Variants in LEO1 observed in about 807,000 individuals in gnomAD.
The protein encoded by LEO1 is LEO1 component of Paf1/RNA polymerase II complex.
LEO1 carries 34 observed loss-of-function variants against 80.4 expected under a neutral mutation model. That is an observed-to-expected ratio of 0.42 (90% confidence interval 0.32 to 0.56). The LOEUF (loss-of-function observed/expected upper bound fraction) is 0.56, where lower values mean the gene tolerates loss of function less well. LEO1 is among the 20% of genes least tolerant of loss of function. The probability of loss-of-function intolerance (pLI) is 0.10; values close to 1 mark genes in which losing one functional copy is unlikely to be tolerated. For synonymous variants in LEO1, 262 were observed against 274.9 expected (o/e 0.95, Z 0.46); for missense variants, 631 against 814.2 (o/e 0.77, Z 2.74).
At chr15:51,963,460 A>T (rs1163341528) in intron 2 of LEO1, among the ~76,000 whole-genome samples, 2 of 152,224 alleles carry the variant, frequency 1.3e-5, no homozygotes, top group Admixed American at 1.3e-4. Context: ...TGTCACAAAA[A>T]TCAACAGAAC....
chr15:51,953,910 T>G (rs1350853208), intron 7 of LEO1, among the ~76,000 whole-genome samples: 2 of 149,966 alleles, frequency 1.3e-5, no homozygotes, highest in Non-Finnish European at 1.5e-5. Flanking sequence ...AAGCAACATA[T>G]GGAGAACTGT....
Position 51,965,781 on chromosome 15 carries a change from G to A in LEO1, c.782C>T (p.Ser261Leu). The A allele has an allele frequency of 6.2e-7, 1 of 1,611,084 alleles. No individual in the cohort carries two copies. The highest frequency in any genetic ancestry group is 8.5e-7 in the Non-Finnish European group (1 of 1,178,998). The change falls in exon 2 of 12, where the codon TCA becomes TTA. Residue 261 changes from serine (S) to leucine (L), a missense_variant. By Grantham distance (145) the Ser-to-Leu change is moderately radical. Around this residue, in one of 4 missense-constraint regions of LEO1, gnomAD observed 394 missense variants for 395.6 expected, o/e 1.00. Transcript: ENST00000299601. The stretch of plus-strand genomic sequence containing the variant: ...ATGATCCTGTTCCTCTTCATCATCT[G>A]AATGCCTGTGTTCTTCATCTGAGGC... ...PQASDEEHRH[S>L]DDEEEQDHKS...
At chr15:51,961,241 G>A (rs2057027773) in intron 3 of LEO1, among the ~76,000 whole-genome samples, 1 of 152,102 alleles carries the variant, frequency 6.6e-6, no homozygotes, top group Admixed American at 6.6e-5. Context: ...AAACTAGCTG[G>A]GCTTGGTGAC....
intron 2 of LEO1, 93 bp downstream of exon 2, chr15:51,965,656 C>A: frequency 6.8e-7 from 1 of 1,479,836 alleles, no homozygotes; most frequent in Non-Finnish European, 9.0e-7. Flanking sequence ...AGAGAAAAAA[C>A]AGGGTAATAA....
chr15:51,951,931 A>T lies in LEO1; in HGVS notation c.1524T>A (p.Leu508=). 6.2e-7 allele frequency: 1 copy of T among 1,613,742 alleles called. No individual in the cohort carries two copies. The highest frequency in any genetic ancestry group is 8.5e-7 in the Non-Finnish European group (1 of 1,179,632). Residue 508 remains leucine, a synonymous_variant, in exon 9 of 12, where the codon CTT becomes CTA. Transcript: ENST00000299601. ...TCTGTGTCTTTGAACACCTATCTGC[A>T]AGTGACAGAGTCATCTTTCTATGTG... ...SATHRKMTLS[L]ADRCSKTQKI...
chr15:51,971,353 T>C (rs1471499186), intron 1 of LEO1, among the ~76,000 whole-genome samples: 1 of 152,224 alleles, frequency 6.6e-6, no homozygotes, highest in Non-Finnish European at 1.5e-5. Flanking sequence ...TACTCTACGC[T>C]GGCCTGTGCA....
intron 5 of LEO1, 68 bp from the exon 6 acceptor site, chr15:51,958,894 ATC>A (rs1463009413): frequency 1.3e-6 from 1 of 746,672 alleles, no homozygotes; most frequent in Non-Finnish European, 2.2e-6. Context: ...ATGTAATAAC[ATC>A]TCTATTAATA....
Position 51,966,382 on chromosome 15 carries a change from G to A in LEO1, c.181C>T (p.Leu61=). 1 of 1,614,080 alleles carries A rather than the reference G, an allele frequency of 6.2e-7. No homozygotes were observed. Among genetic ancestry groups the A allele is most frequent in the Non-Finnish European group, 8.5e-7 (1 of 1,179,938 alleles). Residue 61 remains leucine (L), a synonymous_variant, in exon 2 of 12, where the codon CTG becomes TTG. Coordinates refer to ENST00000299601, the MANE Select transcript of LEO1 (RefSeq NM_138792.4). Reference sequence around the variant, plus strand: ...TCGTCCTCACTGTCATCTCCAAACAGTTCCTTATTACTTGGTTGTCCTGAA... The same window carrying A: ...TCGTCCTCACTGTCATCTCCAAACAATTCCTTATTACTTGGTTGTCCTGAA... ...GDSGQPSNKE[L]FGDDSEDEGA...
At chr15:51,951,123 T>C (rs1034506160) in intron 9 of LEO1, among the ~76,000 whole-genome samples, 2 of 152,230 alleles carry the variant, frequency 1.3e-5, no homozygotes, top group African/African-American at 4.8e-5. Flanking sequence ...CTGAGGTAAC[T>C]GGACTGTCTT....
At chr15:51,950,250 C>T (rs779499078) in intron 9 of LEO1, among the ~76,000 whole-genome samples, 2 of 152,174 alleles carry the variant, frequency 1.3e-5, no homozygotes, top group East Asian at 1.9e-4. Flanking sequence ...GGTGTGTCCT[C>T]GGGAGCTGTG....
chr15:51,947,184 G>A (rs535420891), intron 11 of LEO1, 108 bp downstream of exon 11: 42 of 763,032 alleles, frequency 5.5e-5, no homozygotes, highest in South Asian at 5.1e-4. Flanking sequence ...TTTCAGTGAC[G>A]TGTGTAGACA....
chr15:51,948,934 C>G (rs2056924760), intron 10 of LEO1, among the ~76,000 whole-genome samples: 1 of 152,318 alleles, frequency 6.6e-6, no homozygotes, highest in East Asian at 1.9e-4. Flanking sequence ...GGTTTAAGAA[C>G]TGACCAGTTA....
intron 2 of LEO1, among the ~76,000 whole-genome samples, chr15:51,962,804 C>T (rs2057041849): frequency 6.6e-6 from 1 of 151,994 alleles, no homozygotes; most frequent in African/African-American, 2.4e-5. Flanking sequence ...AAAGATACGA[C>T]TCAAAAGGGA....
Position 51,958,927 on chromosome 15 carries a change from T to C in LEO1, c.1161-101A>G. The C allele has an allele frequency of 1.3e-5, 7 of 546,820 alleles. No homozygotes were observed. In the South Asian group the frequency reaches 2.1e-4, roughly 16 times the overall value. 33.9% of individuals were successfully genotyped at this position (546,820 alleles called of 1,614,324 possible). ...TAATAAACACCATTATATCAAAAAA[T>C]CATAATATAATTTTAAAAATCATAA... On this transcript the variant is annotated intron_variant, in intron 5 of 11. Coordinates refer to ENST00000299601, the MANE Select transcript of LEO1 (RefSeq NM_138792.4).
chr15:51,965,460 A>T (rs1043263206), intron 2 of LEO1, among the ~76,000 whole-genome samples: 1 of 152,192 alleles, frequency 6.6e-6, no homozygotes, highest in African/African-American at 2.4e-5. Flanking sequence ...ACTCATTATC[A>T]GCTCTTCTTA....
intron 11 of LEO1, among the ~76,000 whole-genome samples, chr15:51,939,692 C>T (rs1020541258): frequency 2.0e-5 from 3 of 152,192 alleles, no homozygotes; most frequent in Admixed American, 1.3e-4. Flanking sequence ...AATCTTAAAA[C>T]GTTTTACATG....
intron 2 of LEO1, among the ~76,000 whole-genome samples, chr15:51,963,365 T>C (rs2057046768): frequency 6.6e-6 from 1 of 151,890 alleles, no homozygotes; most frequent in African/African-American, 2.4e-5. Context: ...ATAAGACAAA[T>C]TTCAGGGAAA....
chr15:51,970,394 G>C (rs973315337), intron 1 of LEO1, among the ~76,000 whole-genome samples: 9 of 152,090 alleles, frequency 5.9e-5, no homozygotes, highest in Admixed American at 2.0e-4. Context: ...CCTGAGCTCA[G>C]GCAAATCCGC....
At chr15:51,946,438 C>T (rs1443804614) in intron 11 of LEO1, among the ~76,000 whole-genome samples, 1 of 152,186 alleles carries the variant, frequency 6.6e-6, no homozygotes, top group Non-Finnish European at 1.5e-5. Flanking sequence ...TCAGGTGATC[C>T]GCTTGCCTCG....
Sources: gnomAD v4.1 joint callset for allele counts (sites outside exome capture counted in the v4.1 genomes callset) on GRCh38, gnomAD v4.1.1 for gene constraint, gnomAD v4.1.1 regional missense constraint, MANE v1.5 for transcripts, NCBI Gene and HGNC (gene_info 2026-07-23, HGNC 2026-07-21) for gene names.